The following MTCL3 variants were observed in gnomAD, a reference collection of about 807,000 sequenced individuals.
The protein encoded by MTCL3 is MTCL family member 3.
chr6:127,514,581 G>C, the MTCL3 span, among the ~76,000 whole-genome samples: 4 of 152,334 alleles, frequency 2.6e-5, no homozygotes, highest in African/African-American at 9.6e-5. Context: ...AGCCACCTTT[G>C]CTCCCAGGAG....
chr6:127,491,499 A>G, the MTCL3 span, among the ~76,000 whole-genome samples: 3 of 152,284 alleles, frequency 2.0e-5, no homozygotes, highest in Admixed American at 1.3e-4. Flanking sequence ...TAAGGTATAT[A>G]CTTTTTTTAG....
At chr6:127,515,811 C>T in the MTCL3 span, 2 of 1,610,176 alleles carry the variant, frequency 1.2e-6, no homozygotes, top group Admixed American at 1.7e-5. This position sits in a 1 kb window ranked among gnomAD's most constrained non-coding sequence, Gnocchi z 4.3. Context: ...CCGCTGCCGC[C>T]CGCTCCTTCT....
chr6:127,478,150 C>T, the MTCL3 span, among the ~76,000 whole-genome samples: 1 of 151,976 alleles, frequency 6.6e-6, no homozygotes, highest in African/African-American at 2.4e-5. Context: ...GAGGATGAGA[C>T]CAAGGACATG....
chr6:127,516,202 C>T, the MTCL3 span: 13 of 1,433,024 alleles, frequency 9.1e-6, no homozygotes, highest in Non-Finnish European at 1.2e-5. Context: ...TCCGGGCCTC[C>T]TGCCGCCCAA....
the MTCL3 span, chr6:127,515,498 C>G: frequency 1.4e-6 from 2 of 1,422,484 alleles, no homozygotes; most frequent in East Asian, 5.5e-5. This position sits in a 1 kb window ranked among gnomAD's most constrained non-coding sequence, Gnocchi z 4.3. Context: ...CAGCCGGGTC[C>G]CCCCACCCTC....
At chr6:127,501,435 A>G in the MTCL3 span, among the ~76,000 whole-genome samples, 2 of 152,194 alleles carry the variant, frequency 1.3e-5, no homozygotes, top group African/African-American at 2.4e-5. Flanking sequence ...ACATACTAAC[A>G]TATTAGTTGC....
At chr6:127,512,687 C>T in the MTCL3 span, among the ~76,000 whole-genome samples, 19 of 152,222 alleles carry the variant, frequency 1.2e-4, no homozygotes, top group African/African-American at 3.4e-4. Flanking sequence ...TCGTACATGT[C>T]GAGTTAGATA....
At chr6:127,508,502 T>C in the MTCL3 span, among the ~76,000 whole-genome samples, 1 of 152,108 alleles carries the variant, frequency 6.6e-6, no homozygotes, top group African/African-American at 2.4e-5. Flanking sequence ...GCACAAAAAA[T>C]AAAAGTCCAA....
the MTCL3 span, among the ~76,000 whole-genome samples, chr6:127,473,771 T>C: frequency 6.6e-6 from 1 of 152,356 alleles, no homozygotes; most frequent in East Asian, 1.9e-4. Context: ...ATGTCTTCCG[T>C]GTCTTAAAAG....
At chr6:127,514,342 A>G in the MTCL3 span, among the ~76,000 whole-genome samples, 2 of 152,206 alleles carry the variant, frequency 1.3e-5, no homozygotes, top group Non-Finnish European at 2.9e-5. Flanking sequence ...AAGGAAGTGG[A>G]GTGGACACTT....
chr6:127,481,583 A>C, the MTCL3 span: 1 of 565,830 alleles, frequency 1.8e-6, no homozygotes, highest in African/African-American at 2.0e-5. Context: ...AACTTTTTCA[A>C]ATTTTGAATA....
chr6:127,476,545 C>G, the MTCL3 span: 5 of 1,185,802 alleles, frequency 4.2e-6, no homozygotes, highest in South Asian at 1.6e-5. This position sits in a 1 kb window ranked among gnomAD's most constrained non-coding sequence, Gnocchi z 4.4. Context: ...AAGAGGACAC[C>G]TGGATAAATA....
At chr6:127,514,080 A>G in the MTCL3 span, among the ~76,000 whole-genome samples, 1 of 152,238 alleles carries the variant, frequency 6.6e-6, no homozygotes, top group Non-Finnish European at 1.5e-5. Flanking sequence ...GATTAAGTTA[A>G]TGTCTAGTTT....
chr6:127,516,841 G>T, the MTCL3 span: 110 of 707,778 alleles, frequency 1.6e-4, no homozygotes, highest in African/African-American at 1.8e-3. Flanking sequence ...TTTAGGAATA[G>T]GATGGAGGGC....
the MTCL3 span, chr6:127,476,128 G>A: frequency 1.9e-6 from 3 of 1,614,028 alleles, no homozygotes; most frequent in Non-Finnish European, 2.5e-6. This position sits in a 1 kb window ranked among gnomAD's most constrained non-coding sequence, Gnocchi z 4.4. Context: ...CCTCATGAGC[G>A]GGTTGGCCGA....
the MTCL3 span, among the ~76,000 whole-genome samples, chr6:127,479,645 A>C: frequency 3.3e-5 from 5 of 152,246 alleles, no homozygotes; most frequent in Non-Finnish European, 7.3e-5. Context: ...GCCCAAAGGA[A>C]TGAAAACAAC....
chr6:127,478,788 G>A, the MTCL3 span, among the ~76,000 whole-genome samples: 2 of 152,108 alleles, frequency 1.3e-5, no homozygotes, highest in East Asian at 1.9e-4. Context: ...GGAGGCTGAG[G>A]TGGGTGGATC....
At chr6:127,501,638 A>G in the MTCL3 span, among the ~76,000 whole-genome samples, 15 of 152,338 alleles carry the variant, frequency 9.8e-5, no homozygotes, top group East Asian at 2.9e-3. Context: ...CCAGCAGATC[A>G]ATGTAGAATA....
chr6:127,472,986 G>T, the MTCL3 span: 1 of 536,608 alleles, frequency 1.9e-6, no homozygotes, highest in Non-Finnish European at 2.4e-6. Context: ...TTTATATTCA[G>T]TATGCCAATT....
Sources: gnomAD v4.1 joint callset for allele counts (sites outside exome capture counted in the v4.1 genomes callset) on GRCh38, gnomAD v4.1.1 for gene constraint, Gnocchi (gnomAD v3.1) non-coding constraint, MANE v1.5 for transcripts, NCBI Gene and HGNC (gene_info 2026-07-23, HGNC 2026-07-21) for gene names.